TMA7B: variants seen among roughly 807,000 people sequenced by gnomAD.
TMA7B encodes the protein translation machinery associated 7 homolog B, also known as translation machinery-associated protein 7B.
At chr22:39,963,312 G>A in the TMA7B span, among the ~76,000 whole-genome samples, 1 of 152,228 alleles carries the variant, frequency 6.6e-6, no homozygotes, top group East Asian at 1.9e-4. Context: ...CAATGGTCAG[G>A]CCATCCTCTC....
chr22:39,963,588 C>A, the TMA7B span, among the ~76,000 whole-genome samples: 6 of 152,094 alleles, frequency 3.9e-5, no homozygotes, highest in African/African-American at 1.4e-4. Context: ...GATTACCACC[C>A]GAAATCAGTC....
chr22:39,964,303 G>A, the TMA7B span: 1 of 674,406 alleles, frequency 1.5e-6, no homozygotes, highest in Non-Finnish European at 2.7e-6. Context: ...AGTCCAGACT[G>A]GCAACAAAAG....
the TMA7B span, chr22:39,964,761 G>C: frequency 1.3e-5 from 6 of 455,310 alleles, no homozygotes; most frequent in East Asian, 1.1e-4. Context: ...CATCTCTTTA[G>C]TTGTTTTCAC....
chr22:39,964,262 G>T, the TMA7B span: 17 of 619,414 alleles, frequency 2.7e-5, no homozygotes, highest in African/African-American at 2.9e-4. Context: ...ATTTTCTCTA[G>T]CCCTGGTTCG....
At chr22:39,961,645 G>T in the TMA7B span, among the ~76,000 whole-genome samples, 1 of 152,214 alleles carries the variant, frequency 6.6e-6, no homozygotes, top group Non-Finnish European at 1.5e-5. Flanking sequence ...AACACACTGT[G>T]TGTGGTCAGC....
the TMA7B span, among the ~76,000 whole-genome samples, chr22:39,963,501 A>T: frequency 3.3e-5 from 5 of 152,206 alleles, no homozygotes; most frequent in African/African-American, 1.2e-4. Flanking sequence ...GAGTTGATCC[A>T]TGTTGTCTTA....
chr22:39,962,552 C>G, the TMA7B span, among the ~76,000 whole-genome samples: 2 of 152,116 alleles, frequency 1.3e-5, no homozygotes, highest in Non-Finnish European at 2.9e-5. Flanking sequence ...CTCTTTACCC[C>G]ATCATAAACT....
the TMA7B span, among the ~76,000 whole-genome samples, chr22:39,962,642 G>C: frequency 6.6e-6 from 1 of 151,870 alleles, no homozygotes; most frequent in Non-Finnish European, 1.5e-5. Context: ...TTTTCAGCTA[G>C]AAACTATGGT....
At chr22:39,962,753 G>C in the TMA7B span, among the ~76,000 whole-genome samples, 1 of 152,050 alleles carries the variant, frequency 6.6e-6, no homozygotes, top group Non-Finnish European at 1.5e-5. Flanking sequence ...CGCCTCCCAG[G>C]TTCAAAGCAA....
chr22:39,964,462 A>C, the TMA7B span: 1 of 1,014,616 alleles, frequency 9.9e-7, no homozygotes, highest in Non-Finnish European at 1.5e-6. Flanking sequence ...GAAGGCTTTC[A>C]AGCAGAAACA....
chr22:39,962,136 G>A, the TMA7B span, among the ~76,000 whole-genome samples: 2 of 152,184 alleles, frequency 1.3e-5, no homozygotes, highest in Non-Finnish European at 2.9e-5. Flanking sequence ...TATATTACAA[G>A]TCAGGGTCGG....
chr22:39,964,385 A>G, the TMA7B span: 3 of 758,768 alleles, frequency 4.0e-6, no homozygotes, highest in African/African-American at 5.1e-5. Context: ...ATGTCCAGCC[A>G]CGAAGGTGGC....
chr22:39,963,970 C>T, the TMA7B span: 2 of 161,886 alleles, frequency 1.2e-5, no homozygotes, highest in Non-Finnish European at 2.7e-5. Context: ...GAGCAGAGAT[C>T]ACGCCACTGC....
chr22:39,962,454 A>G, the TMA7B span, among the ~76,000 whole-genome samples: 3 of 152,050 alleles, frequency 2.0e-5, no homozygotes, highest in Non-Finnish European at 2.9e-5. Flanking sequence ...CATATATTAT[A>G]TACATATATT....
At chr22:39,964,567 T>G in the TMA7B span, 1 of 816,322 alleles carries the variant, frequency 1.2e-6, no homozygotes, top group Non-Finnish European at 2.2e-6. Flanking sequence ...TGGCAAAAAA[T>G]AAGCTGTTCC....
chr22:39,960,450 C>A, the TMA7B span: 1 of 411,874 alleles, frequency 2.4e-6, no homozygotes, highest in Non-Finnish European at 4.5e-6. Context: ...CAGGATTTTC[C>A]TCTACTTCAT....
At chr22:39,960,499 A>G in the TMA7B span, 1 of 244,644 alleles carries the variant, frequency 4.1e-6, no homozygotes, top group African/African-American at 2.2e-5. Flanking sequence ...AAAGAGAGAC[A>G]CTCAGTGAGT....
the TMA7B span, among the ~76,000 whole-genome samples, chr22:39,963,380 G>A: frequency 5.6e-4 from 86 of 152,280 alleles, no homozygotes; most frequent in African/African-American, 1.9e-3. Flanking sequence ...GCTTATGAGA[G>A]TAAAAGGGTC....
At chr22:39,963,208 A>G in the TMA7B span, among the ~76,000 whole-genome samples, 1 of 152,212 alleles carries the variant, frequency 6.6e-6, no homozygotes, top group Non-Finnish European at 1.5e-5. Context: ...TTGTAGTTCT[A>G]TCACTCAGCA....
Sources: allele counts gnomAD v4.1 joint callset (sites outside exome capture counted in the v4.1 genomes callset), GRCh38; gene constraint gnomAD v4.1.1; transcripts MANE v1.5; gene names NCBI Gene and HGNC (gene_info 2026-07-23, HGNC 2026-07-21).